Variants in BABAM2 observed in about 807,000 individuals in gnomAD.
The protein encoded by BABAM2 is BRISC and BRCA1-A complex member 2.
A neutral mutation model predicts 54.7 loss-of-function variants in BABAM2; 31 were observed. The observed-to-expected ratio is 0.57, with a 90% CI of 0.43 to 0.77. BABAM2 has a LOEUF of 0.77. Among genes scored for constraint, BABAM2 ranks in the 30% least tolerant of loss-of-function variants. BABAM2 has a pLI of 0.00. For missense variants in BABAM2, 364 were observed against 455.8 expected (o/e 0.80, Z 1.83); for synonymous variants, 167 against 162.9 (o/e 1.03, Z -0.19).
intron 4 of BABAM2, among the ~76,000 whole-genome samples, chr2:27,991,680 T>C (rs1268813545): frequency 6.6e-6 from 1 of 152,208 alleles, no homozygotes; most frequent in Non-Finnish European, 1.5e-5. Flanking sequence ...CTGATCTCTT[T>C]GACTTAGCGT....
chr2:28,157,921 A>G (rs1471711341), intron 7 of BABAM2, among the ~76,000 whole-genome samples: 1 of 152,104 alleles, frequency 6.6e-6, no homozygotes, highest in Non-Finnish European at 1.5e-5. Flanking sequence ...CAAATTATTT[A>G]AGGACCTGAT....
chr2:28,179,097 C>T (rs1399255220), intron 7 of BABAM2, among the ~76,000 whole-genome samples: 1 of 152,086 alleles, frequency 6.6e-6, no homozygotes, highest in Non-Finnish European at 1.5e-5. Context: ...CAAACTATTC[C>T]AAGAAACTGA....
intron 7 of BABAM2, among the ~76,000 whole-genome samples, chr2:28,204,749 A>G (rs1419828952): frequency 3.3e-5 from 5 of 152,184 alleles, no homozygotes. Context: ...TACATTTATT[A>G]TCTCATTCAG....
intron 6 of BABAM2, among the ~76,000 whole-genome samples, chr2:28,116,999 T>C (rs1668669559): frequency 6.6e-6 from 1 of 152,230 alleles, no homozygotes; most frequent in Non-Finnish European, 1.5e-5. Flanking sequence ...TTTCTGCCTT[T>C]AGCATTGGCA....
intron 7 of BABAM2, among the ~76,000 whole-genome samples, chr2:28,217,830 G>GA (rs1310773190): frequency 1.3e-5 from 2 of 151,890 alleles, no homozygotes; most frequent in Non-Finnish European, 2.9e-5. Flanking sequence ...AGCATTAATT[G>GA]AAAAAAATCA....
intron 7 of BABAM2, among the ~76,000 whole-genome samples, chr2:28,204,846 A>G (rs1030997125): frequency 6.6e-6 from 1 of 152,180 alleles, no homozygotes; most frequent in Non-Finnish European, 1.5e-5. Flanking sequence ...CATTCTGGAC[A>G]CATAGAAAAC....
intron 10 of BABAM2, among the ~76,000 whole-genome samples, chr2:28,279,729 G>C (rs1304049433): frequency 7.3e-6 from 1 of 136,076 alleles, no homozygotes; most frequent in African/African-American, 2.8e-5. Flanking sequence ...GCAATGGCAT[G>C]ATCTCAGCTC....
intron 6 of BABAM2, among the ~76,000 whole-genome samples, chr2:28,065,346 T>C (rs1679226171): frequency 6.6e-6 from 1 of 152,224 alleles, no homozygotes; most frequent in Admixed American, 6.5e-5. Flanking sequence ...CTGCTCTGGC[T>C]TCTCACTCAC....
chr2:28,313,231 G>C (rs1558522900), intron 11 of BABAM2, among the ~76,000 whole-genome samples: 1 of 152,218 alleles, frequency 6.6e-6, no homozygotes, highest in Non-Finnish European at 1.5e-5. Flanking sequence ...TTAAGAGAAG[G>C]TAACATGCTT....
chr2:28,252,872 T>G (rs1185290447), intron 10 of BABAM2, among the ~76,000 whole-genome samples: 1 of 152,252 alleles, frequency 6.6e-6, no homozygotes, highest in Non-Finnish European at 1.5e-5. Context: ...CAATTTTGAC[T>G]TCTCAGTGAT....
In BABAM2 at chr2:28,095,313, T is replaced by C. The variant is rs544748576; in HGVS notation, c.571-33958T>C. On this transcript the variant is annotated intron_variant, in intron 6 of 11. Transcript: ENST00000379624. ...CCATGCCCCTACACTAGCCTATACC[T>C]TCCCTGGCAGAGCCTTCATCATAGG... Among the ~76,000 whole-genome samples, 23 of 152,282 alleles carry C rather than the reference T, an allele frequency of 1.5e-4. 1 individual carries two copies. In the South Asian group the frequency reaches 4.6e-3, roughly 30 times the overall value.
intron 7 of BABAM2, among the ~76,000 whole-genome samples, chr2:28,175,911 A>T (rs1319459522): frequency 1.3e-5 from 2 of 152,206 alleles, no homozygotes; most frequent in Non-Finnish European, 2.9e-5. Context: ...ACCTCACCAC[A>T]GCCTCTACTA....
chr2:28,242,051 C>A (rs1411903422), intron 9 of BABAM2, among the ~76,000 whole-genome samples: 1 of 152,030 alleles, frequency 6.6e-6, no homozygotes, highest in Non-Finnish European at 1.5e-5. Context: ...ATGGGGTGAA[C>A]CAGGCAGGCA....
At chr2:28,222,505 C>T (rs1409288224) in intron 7 of BABAM2, among the ~76,000 whole-genome samples, 1 of 152,216 alleles carries the variant, frequency 6.6e-6, no homozygotes, top group East Asian at 1.9e-4. Flanking sequence ...TCACATGCTG[C>T]AGGGGCAGGA....
intron 5 of BABAM2, among the ~76,000 whole-genome samples, chr2:28,043,161 C>A (rs1205016244): frequency 6.8e-6 from 1 of 146,284 alleles, no homozygotes; most frequent in Non-Finnish European, 1.5e-5. Context: ...CGGAGTCTTG[C>A]TCTGTCGCCC....
intron 6 of BABAM2, among the ~76,000 whole-genome samples, chr2:28,060,756 T>G (rs767731320): frequency 6.6e-6 from 1 of 152,174 alleles, no homozygotes; most frequent in East Asian, 1.9e-4. Flanking sequence ...ATGGAATATT[T>G]AGAGATAAAT....
At chr2:28,107,750 G>C (rs1667653948) in intron 6 of BABAM2, among the ~76,000 whole-genome samples, 1 of 152,154 alleles carries the variant, frequency 6.6e-6, no homozygotes, top group Non-Finnish European at 1.5e-5. Flanking sequence ...GAATAGTTTA[G>C]TTGTTTATTT....
In BABAM2 at chr2:28,025,222, A is replaced by G. The variant is rs757306573; in HGVS notation, c.301-4A>G. The G allele has an allele frequency of 8.2e-6, 13 of 1,580,688 alleles. No individual in the cohort carries two copies. Among genetic ancestry groups the G allele is most frequent in the Non-Finnish European group, 1.0e-5 (12 of 1,169,558 alleles). ...TGGTCTTTTATTTGTTACGACTTCT[A>G]CAGAATCTTGCCTCCTGGAATCCTT... On this transcript the variant is annotated splice_polypyrimidine_tract_variant and splice_region_variant and intron_variant, in intron 4 of 11. Coordinates refer to ENST00000379624, the MANE Select transcript of BABAM2 (RefSeq NM_199191.3).
At chr2:28,110,092 A>G (rs1323915020) in intron 6 of BABAM2, among the ~76,000 whole-genome samples, 1 of 152,246 alleles carries the variant, frequency 6.6e-6, no homozygotes, top group Non-Finnish European at 1.5e-5. Context: ...ACTACTCTCA[A>G]ACTTCAGATA....
Sources: allele counts gnomAD v4.1 joint callset (sites outside exome capture counted in the v4.1 genomes callset), GRCh38; gene constraint gnomAD v4.1.1; transcripts MANE v1.5; gene names NCBI Gene and HGNC (gene_info 2026-07-23, HGNC 2026-07-21).